Variants in GPR35 observed in about 807,000 individuals in gnomAD.
The protein encoded by GPR35 is KYNA receptor.
For missense variants in GPR35, 372 were observed against 422.5 expected (o/e 0.88, Z 1.05); for synonymous variants, 207 against 198.4 (o/e 1.04, Z -0.36).
exon 3 of GPR35, chr2:240,616,414 A>G (rs2043237677): frequency 1.3e-6 from 1 of 780,240 alleles, no homozygotes; most frequent in Non-Finnish European, 2.4e-6. Flanking sequence ...AGCTTCCTGC[A>G]GACTGGACTT....
At chr2:240,613,740 TG>T (rs2043209600) in intron 2 of GPR35, among the ~76,000 whole-genome samples, 1 of 151,806 alleles carries the variant, frequency 6.6e-6, no homozygotes, top group South Asian at 2.1e-4. Flanking sequence ...ATGCCTCATA[TG>T]GACCCGAACC....
At chr2:240,619,160 A>G (rs897615731) in intron 5 of GPR35, 1 of 558,838 alleles carries the variant, frequency 1.8e-6, no homozygotes, top group Non-Finnish European at 3.2e-6. Context: ...TCAATGGGTG[A>G]TATCCGAGGA....
upstream of GPR35, among the ~76,000 whole-genome samples, chr2:240,620,694 G>A (rs2043284009): frequency 6.6e-6 from 1 of 152,126 alleles, no homozygotes; most frequent in African/African-American, 2.4e-5. Context: ...ATCACAGGAG[G>A]CTGAGCACAG....
chr2:240,627,039 C>G (rs938148956), intron 1 of GPR35, among the ~76,000 whole-genome samples: 2 of 152,206 alleles, frequency 1.3e-5, no homozygotes, highest in East Asian at 3.8e-4. Context: ...GCTGCTGGCT[C>G]CAATCCCCAA....
chr2:240,609,961 A>G (rs12620176), intron 2 of GPR35, among the ~76,000 whole-genome samples: 84,083 of 150,966 alleles, frequency 0.56, 23,939 homozygotes, highest in East Asian at 0.66. Flanking sequence ...CATATGAAAT[A>G]TCCTTTTTTT....
At chr2:240,621,736 A>G (rs1432252539), upstream of GPR35, among the ~76,000 whole-genome samples, 1 of 152,210 alleles carries the variant, frequency 6.6e-6, no homozygotes, top group Non-Finnish European at 1.5e-5. Context: ...GGTTTATTGA[A>G]AGTTGCTCCA....
chr2:240,612,980 C>T (rs2043199711), intron 2 of GPR35, among the ~76,000 whole-genome samples: 2 of 152,244 alleles, frequency 1.3e-5, no homozygotes, highest in Admixed American at 1.3e-4. Context: ...ACAGCAGAGA[C>T]TCTGCACAAC....
rs779991874 is a variant in GPR35 at position 240,616,974 on chromosome 2, A to C, written c.-452-116A>C. ...CCATTGGGAATGAAACTCTACCAAC[A>C]GCCACCTGGGGGAGCTGGAAGTGAA... On this transcript the variant is annotated intron_variant, in intron 3 of 5. Coordinates refer to the GPR35 transcript ENST00000319838. 7.8e-6 allele frequency: 6 copies of C among 773,326 alleles called. 1 individual carries two copies. In the South Asian group the frequency reaches 8.2e-5, roughly 11 times the overall value. The allele number at this position is 773,326 out of a possible 1,614,324, so 47.9% of individuals were successfully genotyped here.
upstream of GPR35, among the ~76,000 whole-genome samples, chr2:240,623,861 G>A (rs1017498891): frequency 6.6e-6 from 1 of 152,212 alleles, no homozygotes; most frequent in African/African-American, 2.4e-5. Context: ...CTGCCCAGTG[G>A]GGCTTCCCTT....
chr2:240,618,544 T>A (rs1343123331), intron 4 of GPR35, among the ~76,000 whole-genome samples: 1 of 152,264 alleles, frequency 6.6e-6, no homozygotes, highest in Admixed American at 6.5e-5. Context: ...AGTTTCATTT[T>A]GCTTTCAATT....
chr2:240,607,201 A>C (rs1318442232), intron 2 of GPR35: 1 of 147,640 alleles, frequency 6.8e-6, no homozygotes, highest in Non-Finnish European at 1.5e-5. Context: ...TTTTTTTTTG[A>C]GACAGGATCT....
chr2:240,605,804 A>T (rs1314007276), intron 1 of GPR35, among the ~76,000 whole-genome samples: 1 of 152,172 alleles, frequency 6.6e-6, no homozygotes, highest in East Asian at 1.9e-4. Flanking sequence ...TGCCAGACTT[A>T]AGCTAGTTTT....
At chr2:240,608,201 A>G (rs962119593) in intron 2 of GPR35, among the ~76,000 whole-genome samples, 8 of 152,126 alleles carry the variant, frequency 5.3e-5, no homozygotes, top group African/African-American at 1.9e-4. Context: ...TGAATTTTCT[A>G]CATGCATGAT....
upstream of GPR35, among the ~76,000 whole-genome samples, chr2:240,622,609 A>G (rs907619923): frequency 6.6e-6 from 1 of 152,268 alleles, no homozygotes; most frequent in African/African-American, 2.4e-5. Context: ...CAAAGCCCGC[A>G]GCCCGAGTGT....
At chr2:240,610,664 T>C (rs2043174349) in intron 2 of GPR35, among the ~76,000 whole-genome samples, 1 of 152,094 alleles carries the variant, frequency 6.6e-6, no homozygotes, top group African/African-American at 2.4e-5. Context: ...TGAGACAGTC[T>C]TGGTCTGTCA....
chr2:240,617,567 C>A, intron 4 of GPR35: 1 of 288,680 alleles, frequency 3.5e-6, no homozygotes, highest in Non-Finnish European at 6.7e-6. Context: ...AGTGTTCCTT[C>A]ATTAACTCTT....
chr2:240,623,126 G>A (rs979264543), upstream of GPR35, among the ~76,000 whole-genome samples: 12 of 152,366 alleles, frequency 7.9e-5, no homozygotes, highest in African/African-American at 2.2e-4. Context: ...CCCCGCGGCC[G>A]GAGTCGCTGT....
chr2:240,615,533 C>T (rs1302012156), intron 2 of GPR35, among the ~76,000 whole-genome samples: 1 of 152,176 alleles, frequency 6.6e-6, no homozygotes, highest in East Asian at 1.9e-4. Flanking sequence ...GTAATAACCC[C>T]TTGTGCCCAT....
chr2:240,622,945 G>A (rs2043313321), upstream of GPR35, among the ~76,000 whole-genome samples: 2 of 152,244 alleles, frequency 1.3e-5, no homozygotes, highest in South Asian at 4.1e-4. Context: ...TGCCCAGCAG[G>A]GAGAGAACAG....
Sources: gnomAD v4.1 joint callset for allele counts (sites outside exome capture counted in the v4.1 genomes callset) on GRCh38, gnomAD v4.1.1 for gene constraint, MANE v1.5 for transcripts, NCBI Gene and HGNC (gene_info 2026-07-23, HGNC 2026-07-21) for gene names.